AUTS2: variants seen among roughly 807,000 people sequenced by gnomAD.
The protein encoded by AUTS2 is activator of transcription and developmental regulator AUTS2, also known as autism susceptibility gene 2 protein.
AUTS2 carries 17 observed loss-of-function variants against 112.4 expected under a neutral mutation model. That is an observed-to-expected ratio of 0.15 (90% CI 0.10 to 0.23). The LOEUF is 0.23. Among genes scored for constraint, AUTS2 ranks in the 10% least tolerant of loss-of-function variants. The pLI is 1.00. For synonymous variants in AUTS2, 751 were observed against 702.7 expected (o/e 1.07, Z -1.09); for missense variants, 1,510 against 1,701.6 (o/e 0.89, Z 1.98).
chr7:69,870,448 A>AAT lies in AUTS2; in HGVS notation c.310-28821_310-28820dup, dbSNP rs11467258. Among the ~76,000 whole-genome samples, 118 of 78,970 alleles carry AAT rather than the reference A, an allele frequency of 1.5e-3. 5 individuals are homozygous for AAT. In the South Asian group the frequency reaches 0.019, roughly 13 times the overall value. The allele number at this position is 78,970 out of a possible 152,430, so 51.8% of individuals were successfully genotyped here. On this transcript the variant is annotated intron_variant, in intron 1 of 18. Transcript: ENST00000342771. ...TACATATCTGTGCGTATGTGTGTGT[A>AAT]ATATATATATATATATATGTATTCA...
intron 1 of AUTS2, among the ~76,000 whole-genome samples, chr7:69,629,698 GCA>G (rs1794137127): frequency 2.6e-5 from 4 of 152,108 alleles, no homozygotes; most frequent in Admixed American, 2.0e-4. Context: ...TAAAATCACC[GCA>G]GTCAGTAGCC....
At chr7:69,761,098 T>G (rs1219788863) in intron 1 of AUTS2, among the ~76,000 whole-genome samples, 1 of 152,148 alleles carries the variant, frequency 6.6e-6, no homozygotes, top group Non-Finnish European at 1.5e-5. Flanking sequence ...TCTACTAGCT[T>G]GGGGTCCACA....
At chr7:70,076,568 C>T (rs1269204920) in intron 2 of AUTS2, among the ~76,000 whole-genome samples, 1 of 152,100 alleles carries the variant, frequency 6.6e-6, no homozygotes, top group East Asian at 1.9e-4. Flanking sequence ...TGGTTGCAGG[C>T]CACAGGCTGT....
At chr7:70,052,646 A>T (rs1162802461) in intron 2 of AUTS2, among the ~76,000 whole-genome samples, 2 of 152,228 alleles carry the variant, frequency 1.3e-5, no homozygotes, top group African/African-American at 4.8e-5. Context: ...TTAATGCCTG[A>T]ACTGGGAGTA....
chr7:69,646,641 T>C (rs1352178615), intron 1 of AUTS2, among the ~76,000 whole-genome samples: 1 of 152,210 alleles, frequency 6.6e-6, no homozygotes, highest in Non-Finnish European at 1.5e-5. Context: ...CCAATGTGGG[T>C]AATTTTAGAG....
chr7:70,166,968 A>C (rs1403866532), intron 4 of AUTS2, among the ~76,000 whole-genome samples: 1 of 152,212 alleles, frequency 6.6e-6, no homozygotes, highest in Non-Finnish European at 1.5e-5. Context: ...GTCTGGGCTT[A>C]TGCTTATAAT....
intron 1 of AUTS2, among the ~76,000 whole-genome samples, chr7:69,637,182 A>G (rs1468053872): frequency 6.6e-6 from 1 of 152,214 alleles, no homozygotes; most frequent in Non-Finnish European, 1.5e-5. Context: ...CGATGTTATA[A>G]CTAGCCTTGT....
intron 5 of AUTS2, among the ~76,000 whole-genome samples, chr7:70,484,292 T>C (rs1432303024): frequency 1.3e-5 from 2 of 152,244 alleles, no homozygotes; most frequent in African/African-American, 4.8e-5. Flanking sequence ...TGACTGGTTC[T>C]CTACTCTACT....
At chr7:70,372,306 G>C (rs1471908520) in intron 4 of AUTS2, among the ~76,000 whole-genome samples, 1 of 152,186 alleles carries the variant, frequency 6.6e-6, no homozygotes, top group African/African-American at 2.4e-5. Context: ...TGCAGGGAAG[G>C]TCAAGTTGAG....
At chr7:70,462,697 C>G (rs1043690895) in intron 5 of AUTS2, among the ~76,000 whole-genome samples, 22 of 152,130 alleles carry the variant, frequency 1.4e-4, no homozygotes, top group Admixed American at 7.9e-4. Context: ...TGGCTCACAC[C>G]TGTAATCCCA....
intron 1 of AUTS2, among the ~76,000 whole-genome samples, chr7:69,730,090 C>T (rs1330335860): frequency 6.8e-6 from 1 of 146,624 alleles, no homozygotes; most frequent in Non-Finnish European, 1.5e-5. Context: ...GATACTCCCA[C>T]CTCAGCCGCC....
Position 70,766,219 on chromosome 7 carries a change from A to G in AUTS2, c.1574A>G (p.His525Arg). The G allele has an allele frequency of 6.2e-7, 1 of 1,614,068 alleles. No homozygotes were observed. Reference protein sequence around the residue: ...GPPPYLRTEFHQHQHQHQHTH... With the variant: ...GPPPYLRTEFRQHQHQHQHTH... ...CCGCCCTACCTGCGGACCGAGTTCC[A>G]TCAGCACCAGCACCAGCACCAGCAC... is the stretch of plus-strand genomic sequence containing the variant. The change falls in exon 9 of 19, where the codon CAT becomes CGT. Residue 525 changes from histidine (H) to arginine (R), a missense_variant. Transcript: ENST00000342771. This position sits in a 1 kb window ranked among gnomAD's most constrained non-coding sequence, Gnocchi z 4.8.
At chr7:69,694,779 A>C (rs1797483879) in intron 1 of AUTS2, among the ~76,000 whole-genome samples, 1 of 152,196 alleles carries the variant, frequency 6.6e-6, no homozygotes, top group African/African-American at 2.4e-5. Flanking sequence ...ATTGAAATCC[A>C]TTATTTTACA....
At chr7:70,000,424 T>C (rs1334399708) in intron 2 of AUTS2, among the ~76,000 whole-genome samples, 1 of 152,206 alleles carries the variant, frequency 6.6e-6, no homozygotes, top group Non-Finnish European at 1.5e-5. Context: ...AAAATGTCTG[T>C]TGTGTACAGT....
intron 2 of AUTS2, among the ~76,000 whole-genome samples, chr7:70,076,727 A>T (rs910232983): frequency 6.6e-6 from 1 of 152,224 alleles, no homozygotes; most frequent in Non-Finnish European, 1.5e-5. Context: ...AGGCCTTAGG[A>T]TAGCAGCTGA....
chr7:69,708,900 A>G (rs944982010), intron 1 of AUTS2, among the ~76,000 whole-genome samples: 4 of 152,180 alleles, frequency 2.6e-5, no homozygotes, highest in Non-Finnish European at 5.9e-5. Flanking sequence ...ATTGCTGTAG[A>G]GACATGAACA....
intron 5 of AUTS2, among the ~76,000 whole-genome samples, chr7:70,617,861 C>T (rs1357065136): frequency 6.6e-6 from 1 of 152,162 alleles, no homozygotes; most frequent in African/African-American, 2.4e-5. Context: ...CTGCACACCG[C>T]CTCTACTCAG....
Position 70,771,552 on chromosome 7 carries a change from T to C in AUTS2, c.1738T>C (p.Phe580Leu). ...CCCTCTCCGTCTTTGGCCACAGCTC[T>C]TCCATTCCTATCCTCCTGCAGTGTC... ...KVDPFYRHSL[F>L]HSYPPAVSGI... Residue 580 changes from phenylalanine (F) to leucine (L), a missense_variant, in exon 11 of 19, where the codon TTC (phenylalanine) becomes CTC (leucine). By Grantham distance (22) the Phe-to-Leu change is conservative. This residue lies in a region of AUTS2 where 187 missense variants were observed against 309.7 expected (regional missense o/e 0.60). Coordinates refer to ENST00000342771, the MANE Select transcript of AUTS2 (RefSeq NM_015570.4). 6.2e-7 allele frequency: 1 copy of C among 1,610,494 alleles called. No homozygotes were observed. Among genetic ancestry groups the C allele is most frequent in the South Asian group, 1.1e-5 (1 of 90,548 alleles).
intron 1 of AUTS2, among the ~76,000 whole-genome samples, chr7:69,802,850 A>G (rs1454146500): frequency 6.6e-6 from 1 of 152,212 alleles, no homozygotes. Flanking sequence ...TTCTTTGTGA[A>G]TTCTTAAATC....
Sources: allele counts gnomAD v4.1 joint callset (sites outside exome capture counted in the v4.1 genomes callset), GRCh38; gene constraint gnomAD v4.1.1; regional missense constraint gnomAD v4.1.1; non-coding constraint Gnocchi (gnomAD v3.1); transcripts MANE v1.5; gene names NCBI Gene and HGNC (gene_info 2026-07-23, HGNC 2026-07-21).